Variants in MAGEC3 observed in about 807,000 individuals in gnomAD.
The protein encoded by MAGEC3 is MAGE family member C3.
In MAGEC3, 34 loss-of-function variants were observed where a neutral mutation model predicts 35.3. The ratio of observed to expected loss-of-function variants is 0.96; its 90% CI spans 0.73 to 1.28. The LOEUF is 1.28. MAGEC3 is among the 50% of genes most tolerant of loss of function. MAGEC3 has a pLI of 0.00. For missense variants in MAGEC3, 561 were observed against 483.6 expected (o/e 1.16, Z -1.50); for synonymous variants, 202 against 185.6 (o/e 1.09, Z -0.72).
chrX:141,861,406 C>T (rs944842163), intron 1 of MAGEC3, among the ~76,000 whole-genome samples: 2 of 110,801 alleles, frequency 1.8e-5, no homozygotes, highest in Non-Finnish European at 3.8e-5. Context: ...AATATCAATG[C>T]CGTTTTTCAC....
intron 4 of MAGEC3, among the ~76,000 whole-genome samples, chrX:141,887,692 G>C (rs1272490853): frequency 8.9e-6 from 1 of 112,125 alleles, no homozygotes; most frequent in Non-Finnish European, 1.9e-5. Context: ...ACAGGTCCAG[G>C]CTGCTGTGCA....
chrX:141,884,701 G>A (rs2017989853), intron 4 of MAGEC3, among the ~76,000 whole-genome samples: 1 of 111,739 alleles, frequency 8.9e-6, no homozygotes, highest in African/African-American at 3.3e-5. Flanking sequence ...GAACTGTTTA[G>A]AGAATTATGC....
intron 1 of MAGEC3, among the ~76,000 whole-genome samples, chrX:141,841,369 C>T (rs765643601): frequency 1.8e-5 from 2 of 112,064 alleles, no homozygotes; most frequent in East Asian, 5.6e-4. Context: ...ATTTTACATT[C>T]TTGATAGTCC....
chrX:141,889,464 A>G (rs1376775955), intron 4 of MAGEC3, among the ~76,000 whole-genome samples: 1 of 111,791 alleles, frequency 8.9e-6, no homozygotes, highest in Admixed American at 9.5e-5. Context: ...CAATGATTCC[A>G]TTAAACTGGA....
Position 141,897,696 on chromosome X carries a change from C to G in MAGEC3, c.1796C>G (p.Ala599Gly). The G allele has an allele frequency of 8.3e-7, 1 of 1,211,426 alleles. No homozygotes were observed. Among genetic ancestry groups the G allele is most frequent in the Non-Finnish European group, 1.1e-6 (1 of 895,318 alleles). Reference protein sequence around the residue: ...LSKLSSIIPSAFPSWYMDALK... With the variant: ...LSKLSSIIPSGFPSWYMDALK... The stretch of plus-strand genomic sequence containing the variant: ...AAGCTATCCAGTATCATCCCTAGTG[C>G]CTTTCCATCCTGGTACATGGATGCT... Residue 599 changes from alanine to glycine, a missense_variant, in exon 8 of 8, where the codon GCC (alanine) becomes GGC (glycine). Coordinates refer to ENST00000298296, the MANE Select transcript of MAGEC3 (RefSeq NM_138702.1).
chrX:141,895,757 A>G (rs189244782), intron 6 of MAGEC3, among the ~76,000 whole-genome samples, 198 bp downstream of exon 6: 1,195 of 82,249 alleles, frequency 0.015, 27 homozygotes, highest in African/African-American at 0.051. Flanking sequence ...GTGGAGGGGA[A>G]GGGGAGGCCT....
chrX:141,846,606 C>A (rs997107828), intron 1 of MAGEC3, among the ~76,000 whole-genome samples: 1 of 110,884 alleles, frequency 9.0e-6, no homozygotes, highest in East Asian at 2.8e-4. Flanking sequence ...TTTCTCAAGT[C>A]CCCCCAAGAT....
chrX:141,874,406 CA>C (rs1455247872), intron 2 of MAGEC3, among the ~76,000 whole-genome samples: 1 of 110,689 alleles, frequency 9.0e-6, no homozygotes, highest in African/African-American at 3.3e-5. Context: ...GTTAAGAGAA[CA>C]AAAAGGAAAA....
chrX:141,894,238 A>G lies in MAGEC3; in HGVS notation c.910-1031A>G, dbSNP rs763478685. On this transcript the variant is annotated intron_variant, in intron 4 of 7. Transcript: ENST00000298296. ...GTGACACTTGGTTCGTAGATATGGAACTCCACGCATTTGCTAAAATACATA... is the reference window on the plus strand; with the variant it reads ...GTGACACTTGGTTCGTAGATATGGAGCTCCACGCATTTGCTAAAATACATA... 3.6e-5 allele frequency among the ~76,000 whole-genome samples: 4 copies of G among 112,169 alleles called. No homozygotes were observed. The South Asian group carries it at 1.1e-3, about 31-fold the overall frequency.
Position 141,879,401 on chromosome X carries a change from G to GA in MAGEC3, c.490dup (p.Arg164LysfsTer23). ...CTTTCCCTTCCTGCCGTCAGCCCTGGAAAAAGGTTGTGGGGGGAGAAAGCG... is the reference window on the plus strand; with the variant it reads ...CTTTCCCTTCCTGCCGTCAGCCCTGGAAAAAAGGTTGTGGGGGGAGAAAGCG... On this transcript the variant is annotated frameshift_variant, in exon 3 of 8. Transcript: ENST00000298296. LOFTEE classifies it high-confidence loss of function. The GA allele has an allele frequency of 8.4e-7, 1 of 1,184,793 alleles. No homozygotes were observed. The highest frequency in any genetic ancestry group is 1.9e-5 in the South Asian group (1 of 53,613).
At chrX:141,889,790 G>A (rs184763856) in intron 4 of MAGEC3, among the ~76,000 whole-genome samples, 1 of 112,183 alleles carries the variant, frequency 8.9e-6, no homozygotes, top group East Asian at 2.8e-4. Context: ...TCCACAGCCT[G>A]CCAAGGGGTT....
chrX:141,873,671 A>G (rs2017902114), intron 2 of MAGEC3, among the ~76,000 whole-genome samples: 3 of 111,771 alleles, frequency 2.7e-5, no homozygotes, highest in Admixed American at 9.6e-5. Context: ...GAAACCTAAC[A>G]CAGTAGGCAC....
chrX:141,867,769 T>A (rs2017858756), intron 2 of MAGEC3, among the ~76,000 whole-genome samples: 1 of 111,816 alleles, frequency 8.9e-6, no homozygotes, highest in Non-Finnish European at 1.9e-5. Flanking sequence ...GTAAAGCAAT[T>A]CCTGCAAGGG....
chrX:141,853,737 A>G (rs886155863), intron 1 of MAGEC3, among the ~76,000 whole-genome samples: 65 of 111,331 alleles, frequency 5.8e-4, no homozygotes, highest in Admixed American at 1.5e-3. Flanking sequence ...TGGGTGTTTT[A>G]AGGTGATGGT....
chrX:141,848,109 CTA>C (rs1440321549), intron 1 of MAGEC3, among the ~76,000 whole-genome samples: 4 of 109,294 alleles, frequency 3.7e-5, no homozygotes, highest in Non-Finnish European at 5.8e-5. Flanking sequence ...ATACACGCAT[CTA>C]TATGTATACA....
intron 4 of MAGEC3, among the ~76,000 whole-genome samples, chrX:141,892,159 G>A (rs186059800): frequency 9.0e-6 from 1 of 111,240 alleles, no homozygotes; most frequent in Non-Finnish European, 1.9e-5. Flanking sequence ...ATATATTTCC[G>A]TTGTTTATGT....
intron 4 of MAGEC3, among the ~76,000 whole-genome samples, chrX:141,888,154 C>T (rs1488559758): frequency 1.8e-5 from 2 of 112,240 alleles, no homozygotes; most frequent in African/African-American, 6.5e-5. Context: ...CCTGCCTTCT[C>T]TCCCCCAGCC....
At chrX:141,884,156 G>A (rs1050596099) in intron 4 of MAGEC3, among the ~76,000 whole-genome samples, 1 of 112,973 alleles carries the variant, frequency 8.9e-6, no homozygotes, top group Admixed American at 9.3e-5. Flanking sequence ...CTGTGAGGGT[G>A]TTGCCAAAGG....
At chrX:141,860,296 T>G (rs892777575) in intron 1 of MAGEC3, among the ~76,000 whole-genome samples, 1 of 111,684 alleles carries the variant, frequency 9.0e-6, no homozygotes, top group Non-Finnish European at 1.9e-5. Context: ...ACAAGTATAG[T>G]TGGCACTTTG....
Sources: gnomAD v4.1 joint callset for allele counts (sites outside exome capture counted in the v4.1 genomes callset) on GRCh38, gnomAD v4.1.1 for gene constraint, MANE v1.5 for transcripts, NCBI Gene and HGNC (gene_info 2026-07-23, HGNC 2026-07-21) for gene names.